The following PCLO variants were observed in gnomAD, a reference collection of about 807,000 sequenced individuals.
The protein encoded by PCLO is piccolo presynaptic cytomatrix protein, also known as protein piccolo.
Under a neutral mutation model 427.5 loss-of-function variants are expected in PCLO, and 82 were observed. The ratio of observed to expected loss-of-function variants is 0.19; its 90% CI spans 0.16 to 0.23. The LOEUF is 0.23. Ranked by LOEUF, PCLO falls within the 10% of genes least tolerant of loss-of-function variation. The probability of loss-of-function intolerance (pLI) is 1.00; values close to 1 mark genes in which losing one functional copy is unlikely to be tolerated. For synonymous variants in PCLO, 2,357 were observed against 2,155.4 expected, an observed-to-expected ratio of 1.09 and a Z score of -2.59; for missense variants, 6,239 against 6,115.9, an observed-to-expected ratio of 1.02 and a Z score of -0.67.
At chr7:83,159,660 A>G (rs1792384663) in intron 1 of PCLO, among the ~76,000 whole-genome samples, 1 of 152,104 alleles carries the variant, frequency 6.6e-6, no homozygotes, top group African/African-American at 2.4e-5. Context: ...TATATGCAAA[A>G]TGTAGGAATG....
intron 9 of PCLO, among the ~76,000 whole-genome samples, chr7:82,883,998 T>C (rs959270689): frequency 3.9e-5 from 6 of 152,132 alleles, no homozygotes; most frequent in Non-Finnish European, 7.4e-5. Context: ...CTCAAATTCC[T>C]GACCTCAGAT....
In PCLO at chr7:82,916,153, T is replaced by C; in HGVS notation, c.11833A>G (p.Thr3945Ala). 1.9e-6 allele frequency: 3 copies of C among 1,613,370 alleles called. No homozygotes were observed. The highest frequency in any genetic ancestry group is 2.5e-6 in the Non-Finnish European group (3 of 1,179,680). Residue 3945 changes from threonine to alanine, a missense_variant, in exon 7 of 25, where the codon ACC becomes GCC. Physicochemically the swap from Thr to Ala is moderately conservative, Grantham distance 58. Transcript: ENST00000333891. ...SFTPQVQPTP[T>A]PQPSYQLPSQ... ...GGTAACTGATAAGAAGGCTGTGGGG[T>C]TGGTGTAGGTTGAACTTGAGGTGTG...
chr7:83,000,213 A>G (rs1399181710), intron 3 of PCLO, among the ~76,000 whole-genome samples: 1 of 151,294 alleles, frequency 6.6e-6, no homozygotes, highest in South Asian at 2.1e-4. Context: ...TACATCTCAC[A>G]TTTCCTCAGA....
At chr7:83,083,957 A>C (rs1007895829) in intron 3 of PCLO, among the ~76,000 whole-genome samples, 4 of 152,170 alleles carry the variant, frequency 2.6e-5, no homozygotes, top group Non-Finnish European at 5.9e-5. Flanking sequence ...TTGTGAAGAG[A>C]CTGGGTTGAC....
chr7:82,915,463 C>T lies in PCLO; in HGVS notation c.12523G>A (p.Ala4175Thr). 6.2e-7 allele frequency: 1 copy of T among 1,613,672 alleles called. No homozygotes were observed. The highest frequency in any genetic ancestry group is 8.5e-7 in the Non-Finnish European group (1 of 1,179,726). The change falls in exon 7 of 25, where the codon GCA (alanine) becomes ACA (threonine). Residue 4175 changes from alanine (A) to threonine (T), a missense_variant. Ala to Thr is a moderately conservative substitution (Grantham distance 58). Transcript: ENST00000333891. ...SISRLTLEKQ[A>T]AKQLPAAILY... ...ATGGCTGCTGGCAGTTGTTTTGCTGCTTGTTTTTCAAGTGTGAGTCTACTG... is the reference window on the plus strand; with the variant it reads ...ATGGCTGCTGGCAGTTGTTTTGCTGTTTGTTTTTCAAGTGTGAGTCTACTG...
intron 3 of PCLO, among the ~76,000 whole-genome samples, chr7:83,094,458 C>T (rs896466635): frequency 4.6e-5 from 7 of 152,184 alleles, no homozygotes; most frequent in East Asian, 1.9e-4. Context: ...CCGCCTGCCT[C>T]GGCCTCCCAA....
chr7:82,861,644 T>C (rs1449848992), intron 10 of PCLO, among the ~76,000 whole-genome samples: 1 of 152,012 alleles, frequency 6.6e-6, no homozygotes, highest in Non-Finnish European at 1.5e-5. Context: ...AATAGATATT[T>C]ATAGAACATT....
At position 83,029,027 on chromosome 7, in the gene PCLO, C is replaced by A. The variant is rs559861819; in HGVS notation, c.3301-62540G>T. The stretch of plus-strand genomic sequence containing the variant: ...ACCCTAGAAGAAAACCTAGGCAATA[C>A]CATTCAGGACTTAGGCATGGGCAAG... On this transcript the variant is annotated intron_variant, in intron 3 of 24. Coordinates refer to ENST00000333891, the MANE Select transcript of PCLO (RefSeq NM_033026.6). 3.5e-4 allele frequency among the ~76,000 whole-genome samples: 54 copies of A among 152,232 alleles called. No homozygotes were observed. In the East Asian group the frequency reaches 9.3e-3, roughly 26 times the overall value.
chr7:82,912,681 T>C (rs1794351445), intron 7 of PCLO, among the ~76,000 whole-genome samples: 1 of 152,100 alleles, frequency 6.6e-6, no homozygotes. Flanking sequence ...AAACAATGTT[T>C]TTCACACAGT....
intron 3 of PCLO, among the ~76,000 whole-genome samples, chr7:83,053,896 A>T (rs1343621271): frequency 6.6e-6 from 1 of 151,992 alleles, no homozygotes; most frequent in Non-Finnish European, 1.5e-5. Context: ...CACTTCAGAG[A>T]TGTTGAAATG....
intron 2 of PCLO, among the ~76,000 whole-genome samples, chr7:83,144,835 T>C (rs1791953119): frequency 6.6e-6 from 1 of 152,174 alleles, no homozygotes; most frequent in African/African-American, 2.4e-5. Flanking sequence ...CATGTTCACA[T>C]AGTAAAGCCT....
At chr7:83,009,777 T>C (rs186594880) in intron 3 of PCLO, among the ~76,000 whole-genome samples, 4 of 152,078 alleles carry the variant, frequency 2.6e-5, no homozygotes, top group African/African-American at 9.6e-5. Flanking sequence ...CAAATGTTAT[T>C]GGGTTCCATA....
rs1161671366 is a variant in PCLO, at chr7:82,998,476, TCTAA to T, written c.3301-31993_3301-31990del. Among the ~76,000 whole-genome samples, 4 of 151,764 alleles carry T rather than the reference TCTAA, an allele frequency of 2.6e-5. No individual in the cohort carries two copies. The East Asian group carries it at 7.8e-4, about 30-fold the overall frequency. On this transcript the variant is annotated intron_variant, in intron 3 of 24. Coordinates refer to ENST00000333891, the MANE Select transcript of PCLO (RefSeq NM_033026.6). ...TTGAACTGCTGGGGTTTCACTACAG[TCTAA>T]CTGACTAGGGGGAAAGGAAATAGCC...
chr7:82,865,485 C>T (rs867343948), intron 10 of PCLO, among the ~76,000 whole-genome samples: 1 of 151,964 alleles, frequency 6.6e-6, no homozygotes, highest in Non-Finnish European at 1.5e-5. Context: ...AAGATGCCGT[C>T]TCAGAAAAAA....
chr7:83,015,324 G>T lies in PCLO; in HGVS notation c.3301-48837C>A, dbSNP rs138518185. Reference sequence around the variant, plus strand: ...TCTGGGCTTTTAATGCTAGGTCTAGGTTTTTTTTTTTCTTTTAGTCACATT... The same window carrying T: ...TCTGGGCTTTTAATGCTAGGTCTAGTTTTTTTTTTTTCTTTTAGTCACATT... On this transcript the variant is annotated intron_variant, in intron 3 of 24. Coordinates refer to ENST00000333891, the MANE Select transcript of PCLO (RefSeq NM_033026.6). 2.9e-3 allele frequency among the ~76,000 whole-genome samples: 429 copies of T among 147,260 alleles called. 4 individuals are homozygous for T. The highest frequency in any genetic ancestry group is 0.028 in the East Asian group (143 of 5,040).
intron 6 of PCLO, among the ~76,000 whole-genome samples, chr7:82,945,659 A>C (rs1211622417): frequency 6.6e-6 from 1 of 152,224 alleles, no homozygotes; most frequent in Non-Finnish European, 1.5e-5. Flanking sequence ...TGCATGAGCA[A>C]TAACAACAAA....
intron 3 of PCLO, among the ~76,000 whole-genome samples, chr7:82,994,045 G>A (rs1007562286): frequency 2.0e-5 from 3 of 151,918 alleles, no homozygotes; most frequent in African/African-American, 7.2e-5. Context: ...TTGAAATTAG[G>A]GCATTTAAAA....
In PCLO at chr7:82,952,067, A is replaced by G; in HGVS notation, c.8886T>C (p.Leu2962=). The part of the protein sequence containing the change: ...SCTAQQPATT[L]PEDRFGYRDD... ...CCCTATAACCAAAACGATCCTCAGGAAGAGTAGTTGCAGGCTGCTGTGCTG... is the reference window on the plus strand; with the variant it reads ...CCCTATAACCAAAACGATCCTCAGGGAGAGTAGTTGCAGGCTGCTGTGCTG... Residue 2962 remains leucine (L), a synonymous_variant, in exon 5 of 25, where the codon CTT becomes CTC. Transcript: ENST00000333891. The G allele has an allele frequency of 6.2e-7, 1 of 1,613,966 alleles. No individual in the cohort carries two copies. The highest frequency in any genetic ancestry group is 8.5e-7 in the Non-Finnish European group (1 of 1,179,864).
intron 3 of PCLO, among the ~76,000 whole-genome samples, chr7:83,077,292 G>T (rs1163760673): frequency 2.0e-5 from 3 of 152,028 alleles, no homozygotes; most frequent in Non-Finnish European, 4.4e-5. Context: ...TGACAAACAG[G>T]TCCAGAGAAG....
Sources: gnomAD v4.1 joint callset for allele counts (sites outside exome capture counted in the v4.1 genomes callset) on GRCh38, gnomAD v4.1.1 for gene constraint, MANE v1.5 for transcripts, NCBI Gene and HGNC (gene_info 2026-07-23, HGNC 2026-07-21) for gene names.